Variants in TLE4 observed in about 807,000 individuals in gnomAD.
TLE4 encodes transducin-like enhancer protein 4.
Under a neutral mutation model 92.8 loss-of-function variants are expected in TLE4, and 8 were observed. The ratio of observed to expected loss-of-function variants is 0.09; its 90% CI spans 0.05 to 0.16. TLE4 has a LOEUF of 0.16. TLE4 is among the 10% of genes least tolerant of loss of function. The pLI is 1.00. For missense variants in TLE4, 675 were observed against 997.6 expected (o/e 0.68, Z 4.36); for synonymous variants, 371 against 374.1 (o/e 0.99, Z 0.10).
At chr9:79,681,084 TTC>T (rs932234579) in intron 8 of TLE4, among the ~76,000 whole-genome samples, 14 of 152,264 alleles carry the variant, frequency 9.2e-5, no homozygotes, top group African/African-American at 3.1e-4. Context: ...TGGTCTAAAA[TTC>T]TCTGTTTCGG....
rs578226559 is a variant in TLE4, at chr9:79,715,737, T to G, written c.1341-2985T>G. Reference sequence around the variant, plus strand: ...CTGCCATAATCCTGGTTGACTCTGGTATCTACAAAGACAACCCCCCAGTAT... The same window carrying G: ...CTGCCATAATCCTGGTTGACTCTGGGATCTACAAAGACAACCCCCCAGTAT... On this transcript the variant is annotated intron_variant, in intron 14 of 19. Transcript: ENST00000376552. Among the ~76,000 whole-genome samples, 20 of 152,266 alleles carry G rather than the reference T, an allele frequency of 1.3e-4. 2 individuals are homozygous for G. The South Asian group carries it at 4.1e-3, about 32-fold the overall frequency.
intron 8 of TLE4, chr9:79,668,888 A>G (rs2061819762): frequency 3.2e-6 from 3 of 943,494 alleles, no homozygotes; most frequent in Non-Finnish European, 3.8e-6. Flanking sequence ...GCATGTCAAC[A>G]ATGTAGCTGC....
At chr9:79,620,046 A>G (rs1420729286) in intron 5 of TLE4, among the ~76,000 whole-genome samples, 3 of 152,192 alleles carry the variant, frequency 2.0e-5, no homozygotes, top group African/African-American at 7.2e-5. Context: ...CTCAGGAGGT[A>G]GAACTTTTTT....
At position 79,574,697 on chromosome 9, in the gene TLE4, G is replaced by A. The variant is rs543224210; in HGVS notation, c.144-176G>A. ...ACCACATATATGATCCTTATTGAAGGGGCAAGTCCAGACTGGTTCCAATCA... is the reference window on the plus strand; with the variant it reads ...ACCACATATATGATCCTTATTGAAGAGGCAAGTCCAGACTGGTTCCAATCA... On this transcript the variant is annotated intron_variant, in intron 2 of 19. Transcript: ENST00000376552. 2.0e-5 allele frequency among the ~76,000 whole-genome samples: 3 copies of A among 152,090 alleles called. No homozygotes were observed. In the East Asian group the frequency reaches 5.8e-4, roughly 29 times the overall value.
At chr9:79,708,065 T>G in intron 11 of TLE4, 53 bp from the exon 12 acceptor site, 4 of 1,577,192 alleles carry the variant, frequency 2.5e-6, no homozygotes, top group Non-Finnish European at 8.7e-7. Flanking sequence ...CTGTTTAACG[T>G]CATTGTTAAA....
chr9:79,705,344 G>A (rs1158995544), intron 9 of TLE4, among the ~76,000 whole-genome samples: 1 of 152,242 alleles, frequency 6.6e-6, no homozygotes, highest in Non-Finnish European at 1.5e-5. Context: ...CCCTAGCCTG[G>A]AATGAAGCTC....
intron 8 of TLE4, among the ~76,000 whole-genome samples, chr9:79,698,685 C>T (rs1048095008): frequency 1.3e-5 from 2 of 152,038 alleles, no homozygotes; most frequent in East Asian, 3.9e-4. Context: ...GTGACTGGCT[C>T]AGTCAGAGCT....
intron 4 of TLE4, among the ~76,000 whole-genome samples, chr9:79,597,703 C>T (rs2044370432): frequency 6.6e-6 from 1 of 152,162 alleles, no homozygotes; most frequent in Admixed American, 6.5e-5. Context: ...ATTAGCCACA[C>T]CCAGTCAAAC....
At chr9:79,608,573 T>TA (rs1244714670) in intron 4 of TLE4, among the ~76,000 whole-genome samples, 1 of 152,058 alleles carries the variant, frequency 6.6e-6, no homozygotes, top group Admixed American at 6.6e-5. Context: ...GATTCATCTT[T>TA]AAAAAAATTT....
At chr9:79,605,971 A>G (rs1401647723) in intron 4 of TLE4, among the ~76,000 whole-genome samples, 1 of 152,060 alleles carries the variant, frequency 6.6e-6, no homozygotes, top group East Asian at 1.9e-4. Context: ...AAGAGATTCA[A>G]TATTGACACT....
chr9:79,573,250 G>A (rs1421334663), intron 1 of TLE4: 1 of 1,017,140 alleles, frequency 9.8e-7, no homozygotes, highest in Admixed American at 5.9e-5. Flanking sequence ...GCCGCGGGCC[G>A]CCGGGGCGAG....
At chr9:79,639,019 T>G (rs1310654646) in intron 6 of TLE4, among the ~76,000 whole-genome samples, 2 of 152,104 alleles carry the variant, frequency 1.3e-5, no homozygotes, top group African/African-American at 4.8e-5. Flanking sequence ...CAGCGAGATA[T>G]AAAAAGATGT....
At chr9:79,634,899 A>T (rs1379860029) in intron 6 of TLE4, among the ~76,000 whole-genome samples, 2 of 152,186 alleles carry the variant, frequency 1.3e-5, no homozygotes, top group African/African-American at 4.8e-5. Context: ...CTTAAAGGAC[A>T]GTTGGTTGAA....
chr9:79,722,726 C>T, intron 18 of TLE4, 125 bp downstream of exon 18: 2 of 1,217,668 alleles, frequency 1.6e-6, no homozygotes, highest in Non-Finnish European at 2.3e-6. Flanking sequence ...TCTATTACTT[C>T]CTGATACATG....
intron 6 of TLE4, among the ~76,000 whole-genome samples, chr9:79,637,702 T>C (rs1168167768): frequency 3.9e-5 from 6 of 152,198 alleles, no homozygotes; most frequent in Admixed American, 3.3e-4. Flanking sequence ...CTTACTCTTA[T>C]GAACAAGAAC....
chr9:79,708,034 T>C, intron 11 of TLE4, 84 bp from the exon 12 acceptor site: 1 of 1,409,618 alleles, frequency 7.1e-7, no homozygotes, highest in Non-Finnish European at 9.8e-7. Flanking sequence ...TTTTCCTCCT[T>C]TCCTTTTCTT....
At chr9:79,612,106 A>C (rs1289124027) in intron 4 of TLE4, among the ~76,000 whole-genome samples, 1 of 152,106 alleles carries the variant, frequency 6.6e-6, no homozygotes, top group Non-Finnish European at 1.5e-5. Flanking sequence ...TTGTTCTCCA[A>C]GAATTTGTAA....
intron 6 of TLE4, among the ~76,000 whole-genome samples, chr9:79,628,908 GTA>G (rs1394471553): frequency 1.4e-3 from 193 of 142,774 alleles, no homozygotes; most frequent in East Asian, 4.5e-3. Flanking sequence ...GTGTGTGTGT[GTA>G]TATGTATAAA....
intron 8 of TLE4, among the ~76,000 whole-genome samples, chr9:79,691,296 C>A (rs1009611750): frequency 1.3e-5 from 2 of 152,158 alleles, no homozygotes; most frequent in African/African-American, 4.8e-5. Flanking sequence ...TGATCTGATT[C>A]AGAATTTTGA....
Sources: gnomAD v4.1 joint callset for allele counts (sites outside exome capture counted in the v4.1 genomes callset) on GRCh38, gnomAD v4.1.1 for gene constraint, MANE v1.5 for transcripts, NCBI Gene and HGNC (gene_info 2026-07-23, HGNC 2026-07-21) for gene names.